CLGN: variants seen among roughly 807,000 people sequenced by gnomAD.
CLGN encodes the protein testis tissue sperm-binding protein Li 79P.
Under a neutral mutation model 79.1 loss-of-function variants are expected in CLGN, and 62 were observed. That is an observed-to-expected ratio of 0.78 (90% confidence interval 0.64 to 0.97). CLGN has a LOEUF of 0.97. Ranked by LOEUF, CLGN falls within the 50% of genes least tolerant of loss-of-function variation. The pLI is 0.00. For missense variants in CLGN, 647 were observed against 715.5 expected, an observed-to-expected ratio of 0.90 and a Z score of 1.09; for synonymous variants, 225 against 224.7, an observed-to-expected ratio of 1.00 and a Z score of -0.01.
intron 7 of CLGN, among the ~76,000 whole-genome samples, chr4:140,399,309 G>C (rs1351321513): frequency 6.6e-6 from 1 of 152,006 alleles, no homozygotes; most frequent in Non-Finnish European, 1.5e-5. Context: ...TCTGTTTTGG[G>C]ACTCATAACG....
Position 140,388,787 on chromosome 4 carries a change from CT to C in CLGN, c.*436del, listed in dbSNP as rs1728721209. 6.5e-6 allele frequency: 1 copy of C among 154,598 alleles called. No individual in the cohort carries two copies. Among genetic ancestry groups the C allele is most frequent in the Non-Finnish European group, 1.4e-5 (1 of 69,532 alleles). The allele number at this position is 154,598 out of a possible 1,614,324, so 9.6% of individuals were successfully genotyped here. A position where few individuals can be genotyped will look rare whatever the true frequency, so the allele number is the denominator to read the frequency against. ...ATAGAATCAAACAACCATACAGAAA[CT>C]TTATTGCATTTAGCTCTTCACAACA... is the stretch of plus-strand genomic sequence containing the variant. On this transcript the variant is annotated 3_prime_UTR_variant, in exon 15 of 15. Coordinates refer to ENST00000325617, the MANE Select transcript of CLGN (RefSeq NM_004362.3).
intron 1 of CLGN, among the ~76,000 whole-genome samples, chr4:140,423,711 G>A (rs188824256): frequency 6.6e-6 from 1 of 152,268 alleles, no homozygotes; most frequent in Admixed American, 6.5e-5. Flanking sequence ...ACCAGTTACA[G>A]GTCTGTTCAG....
intron 2 of CLGN, among the ~76,000 whole-genome samples, 179 bp downstream of exon 2, chr4:140,412,756 T>G (rs531762159): frequency 6.6e-6 from 1 of 152,264 alleles, no homozygotes; most frequent in Admixed American, 6.5e-5. Flanking sequence ...ATGAACAAAT[T>G]TCTGAATTAC....
intron 1 of CLGN, among the ~76,000 whole-genome samples, chr4:140,421,339 A>G (rs768003768): frequency 4.6e-5 from 7 of 152,110 alleles, no homozygotes; most frequent in Non-Finnish European, 8.8e-5. Context: ...TTGCTTGGTC[A>G]TATGATAATT....
chr4:140,394,367 G>A (rs1578899343), intron 10 of CLGN, among the ~76,000 whole-genome samples: 1 of 152,270 alleles, frequency 6.6e-6, no homozygotes, highest in Non-Finnish European at 1.5e-5. Flanking sequence ...ATTGCAAAAT[G>A]TTATTCAAGT....
At chr4:140,418,289 T>C (rs1159984757) in intron 1 of CLGN, among the ~76,000 whole-genome samples, 1 of 150,348 alleles carries the variant, frequency 6.7e-6, no homozygotes, top group Non-Finnish European at 1.5e-5. Context: ...GACATAGGCA[T>C]GGGCAAGGAC....
intron 3 of CLGN, 65 bp from the exon 4 acceptor site, chr4:140,409,960 G>A: frequency 9.6e-7 from 1 of 1,045,628 alleles, no homozygotes. Context: ...ATAGATATAA[G>A]GCATACAGAA....
chr4:140,390,753 C>A (rs1285668653), intron 13 of CLGN, 25 bp from the exon 14 acceptor site: 1 of 1,479,306 alleles, frequency 6.8e-7, no homozygotes, highest in Non-Finnish European at 9.3e-7. Flanking sequence ...TTGTTAAAAG[C>A]AAAGACTCAA....
intron 8 of CLGN, among the ~76,000 whole-genome samples, chr4:140,396,673 C>T (rs1203271205): frequency 6.6e-6 from 1 of 151,594 alleles, no homozygotes; most frequent in Non-Finnish European, 1.5e-5. Flanking sequence ...TCTCCTGCCT[C>T]AGCCTCCAGA....
intron 8 of CLGN, among the ~76,000 whole-genome samples, 169 bp from the exon 9 acceptor site, chr4:140,396,374 A>G (rs745675188): frequency 6.6e-6 from 1 of 152,142 alleles, no homozygotes; most frequent in Non-Finnish European, 1.5e-5. Flanking sequence ...TTTTTGGTAC[A>G]TATTCCCTGT....
At chr4:140,409,147 T>C (rs1729166079) in intron 4 of CLGN, among the ~76,000 whole-genome samples, 1 of 152,020 alleles carries the variant, frequency 6.6e-6, no homozygotes, top group African/African-American at 2.4e-5. Flanking sequence ...CACATGTTTA[T>C]GAGTATGAGG....
rs374458192 is a variant in CLGN at position 140,396,943 on chromosome 4, A to T, written c.885-738T>A. Among the ~76,000 whole-genome samples, 63 of 144,578 alleles carry T rather than the reference A, an allele frequency of 4.4e-4. No individual in the cohort carries two copies. The East Asian group carries it at 7.2e-3, about 16-fold the overall frequency. 94.8% of individuals were successfully genotyped at this position (144,578 alleles called of 152,430 possible). A position where few individuals can be genotyped will look rare whatever the true frequency, so the allele number is the denominator to read the frequency against. On this transcript the variant is annotated intron_variant, in intron 8 of 14. Transcript: ENST00000325617. ...TATATACACATATATATATATACACATAGCTTCATTCTTAACAGTTGCATA... is the reference window on the plus strand; with the variant it reads ...TATATACACATATATATATATACACTTAGCTTCATTCTTAACAGTTGCATA...
At chr4:140,392,456 T>C in intron 12 of CLGN, 78 bp from the exon 13 acceptor site, 1 of 1,492,226 alleles carries the variant, frequency 6.7e-7, no homozygotes, top group Non-Finnish European at 9.0e-7. Flanking sequence ...ATTGATAACA[T>C]ACATAATGAA....
chr4:140,406,160 A>C, intron 4 of CLGN, 77 bp from the exon 5 acceptor site: 1 of 1,404,494 alleles, frequency 7.1e-7, no homozygotes, highest in Non-Finnish European at 9.7e-7. Context: ...AGTTGTGAAC[A>C]ATAATTTTTA....
chr4:140,411,093 T>C (rs959831585), intron 2 of CLGN, among the ~76,000 whole-genome samples: 3 of 152,086 alleles, frequency 2.0e-5, no homozygotes, highest in Admixed American at 6.5e-5. Context: ...GGAGATAGCA[T>C]TGCAAAGCAA....
intron 5 of CLGN, 44 bp downstream of exon 5, chr4:140,405,898 A>G: frequency 1.3e-6 from 2 of 1,567,684 alleles, no homozygotes; most frequent in Non-Finnish European, 1.7e-6. Flanking sequence ...GCCAAAGCTA[A>G]TACAAAATTC....
At chr4:140,412,274 C>T (rs1406160611) in intron 2 of CLGN, among the ~76,000 whole-genome samples, 2 of 152,138 alleles carry the variant, frequency 1.3e-5, no homozygotes, top group African/African-American at 4.8e-5. Context: ...GCCCTTCAAA[C>T]AGTAGCTGGC....
intron 5 of CLGN, among the ~76,000 whole-genome samples, chr4:140,404,233 A>G (rs892022320): frequency 1.3e-5 from 2 of 151,950 alleles, no homozygotes; most frequent in Non-Finnish European, 2.9e-5. Context: ...AGCTGGGGCT[A>G]CAGGCGCCTG....
intron 5 of CLGN, 49 bp from the exon 6 acceptor site, chr4:140,402,115 G>A (rs2567242): frequency 0.047 from 44,861 of 948,968 alleles, 1,512 homozygotes; most frequent in African/African-American, 0.11. Flanking sequence ...AAATTTACTA[G>A]TTGCTCTTTA....
Sources: gnomAD v4.1 joint callset for allele counts (sites outside exome capture counted in the v4.1 genomes callset) on GRCh38, gnomAD v4.1.1 for gene constraint, MANE v1.5 for transcripts, NCBI Gene and HGNC (gene_info 2026-07-23, HGNC 2026-07-21) for gene names.